FGF17: variants seen among roughly 807,000 people sequenced by gnomAD.
FGF17 encodes the protein fibroblast growth factor 17.
A neutral mutation model predicts 23.5 loss-of-function variants in FGF17; 5 were observed. The observed-to-expected ratio is 0.21, with a 90% CI of 0.11 to 0.45. The LOEUF is 0.45. Among genes scored for constraint, FGF17 ranks in the 20% least tolerant of loss-of-function variants. FGF17 has a pLI of 0.99. For missense variants in FGF17, 221 were observed against 306.9 expected, an observed-to-expected ratio of 0.72 and a Z score of 2.09; for synonymous variants, 136 against 123.0, an observed-to-expected ratio of 1.11 and a Z score of -0.70.
At chr8:22,044,633 G>A (rs950334569) in intron 2 of FGF17, 8 of 976,724 alleles carry the variant, frequency 8.2e-6, no homozygotes, top group Non-Finnish European at 9.7e-6. Flanking sequence ...AGGGAGGCCA[G>A]CGTGGGGCAG....
Position 22,048,293 on chromosome 8 carries a change from C to T in FGF17, c.*44C>T. On this transcript the variant is annotated 3_prime_UTR_variant, in exon 5 of 5. Transcript: ENST00000359441. The surrounding 1 kb of genome is among the most constrained non-coding windows in gnomAD (Gnocchi z 6.9). ...GCAGCCCCTGGGCCGCCTCCCCACCCCTTTCCCTTCTTAATCCAAGGACTG... is the reference window on the plus strand; with the variant it reads ...GCAGCCCCTGGGCCGCCTCCCCACCTCTTTCCCTTCTTAATCCAAGGACTG... 6.8e-7 allele frequency: 1 copy of T among 1,470,428 alleles called. No individual in the cohort carries two copies. The highest frequency in any genetic ancestry group is 9.2e-7 in the Non-Finnish European group (1 of 1,085,820). The allele number at this position is 1,470,428 out of a possible 1,614,324, so 91.1% of individuals were successfully genotyped here. A position where few individuals can be genotyped will look rare whatever the true frequency, so the allele number is the denominator to read the frequency against.
chr8:22,046,569 G>A lies in FGF17; in HGVS notation c.293G>A (p.Arg98His), dbSNP rs746441702. Residue 98 changes from arginine to histidine, a missense_variant, in exon 4 of 5, where the codon CGC becomes CAC. Around this residue, in one of 3 missense-constraint regions of FGF17, gnomAD observed 58 missense variants for 121.0 expected, o/e 0.48. Transcript: ENST00000359441. Reference protein sequence around the residue: ...VETDTFGSRVRIKGAESEKYI... With the variant: ...VETDTFGSRVHIKGAESEKYI... ...ACGGACACGTTTGGCAGCCGGGTTCGCATCAAAGGGGCTGAGAGTGAGAAG... is the reference window on the plus strand; with the variant it reads ...ACGGACACGTTTGGCAGCCGGGTTCACATCAAAGGGGCTGAGAGTGAGAAG... 1.2e-6 allele frequency: 2 copies of A among 1,613,590 alleles called. No individual in the cohort carries two copies. The highest frequency in any genetic ancestry group is 1.1e-5 in the South Asian group (1 of 91,062).
intron 2 of FGF17, chr8:22,044,919 C>A: frequency 1.0e-6 from 1 of 985,512 alleles, no homozygotes; most frequent in Non-Finnish European, 1.2e-6. Context: ...TGAGGTTGGG[C>A]CTGGGATAAA....
Position 22,048,189 on chromosome 8 carries a change from T to G in FGF17, c.591T>G (p.Phe197Leu). 6.2e-7 allele frequency: 1 copy of G among 1,612,572 alleles called. No homozygotes were observed. The highest frequency in any genetic ancestry group is 8.5e-7 in the Non-Finnish European group (1 of 1,179,690). ...NHAEKQKQFE[F>L]VGSAPTRRTK... ...CCGAGAAGCAGAAGCAGTTCGAGTT[T>G]GTGGGCTCCGCCCCCACCCGCCGGA... Residue 197 changes from phenylalanine (F) to leucine (L), a missense_variant, in exon 5 of 5, where the codon TTT becomes TTG. This residue lies in a region of FGF17 where 128 missense variants were observed against 150.4 expected (regional missense o/e 0.85). Coordinates refer to ENST00000359441, the MANE Select transcript of FGF17 (RefSeq NM_003867.4). The surrounding 1 kb of genome is among the most constrained non-coding windows in gnomAD (Gnocchi z 6.9).
intron 4 of FGF17, among the ~76,000 whole-genome samples, chr8:22,047,462 C>T (rs1252562810): frequency 6.6e-6 from 1 of 152,182 alleles, no homozygotes; most frequent in Non-Finnish European, 1.5e-5. Context: ...GACCAAATAA[C>T]CTTTGGTTTG....
chr8:22,042,598 C>A, upstream of FGF17: 1 of 543,968 alleles, frequency 1.8e-6, no homozygotes. Flanking sequence ...CTTCAGAAGG[C>A]CCCCACCGCT....
At chr8:22,040,680 C>A (rs1800723589), upstream of FGF17, among the ~76,000 whole-genome samples, 2 of 152,242 alleles carry the variant, frequency 1.3e-5, no homozygotes, top group Admixed American at 1.3e-4. Flanking sequence ...GTGGCTCCCA[C>A]TGTCCCCATG....
At chr8:22,045,705 T>C in intron 2 of FGF17, 1 of 1,109,840 alleles carries the variant, frequency 9.0e-7, no homozygotes. Flanking sequence ...AGCATGTCCT[T>C]GGAGTTCTGG....
rs1266273512 is a variant in FGF17 at position 22,044,323 on chromosome 8, C to CT, written c.72+1143dup. 7.2e-5 allele frequency among the ~76,000 whole-genome samples: 11 copies of CT among 152,072 alleles called. No individual in the cohort carries two copies. In the East Asian group the frequency reaches 2.1e-3, roughly 29 times the overall value. ...CCGGACCACAGCCATGCTTGAGGGG[C>CT]TGTCTGACAAGCAGCTGTCTGCAGT... On this transcript the variant is annotated intron_variant, in intron 2 of 4. Coordinates refer to ENST00000359441, the MANE Select transcript of FGF17 (RefSeq NM_003867.4).
At chr8:22,044,031 C>T (rs904091088) in intron 2 of FGF17, among the ~76,000 whole-genome samples, 2 of 151,948 alleles carry the variant, frequency 1.3e-5, no homozygotes, top group South Asian at 2.1e-4. Context: ...GACAATTCCC[C>T]CCCCCTTCCT....
rs1800863667 is a variant in FGF17, at chr8:22,046,257, C to T, written c.216C>T (p.Arg72=). The change falls in exon 3 of 5, where the codon CGC becomes CGT. Residue 72 remains arginine (R), a synonymous_variant. Coordinates refer to ENST00000359441, the MANE Select transcript of FGF17 (RefSeq NM_003867.4). ...AGCACGTGCAGGTCACCGGGCGTCG[C>T]ATCTCCGCCACCGCCGAGGACGGCA... ...SGKHVQVTGR[R]ISATAEDGNK... 6.2e-7 allele frequency: 1 copy of T among 1,613,660 alleles called. No individual in the cohort carries two copies. The highest frequency in any genetic ancestry group is 1.3e-5 in the African/African-American group (1 of 74,952).
chr8:22,045,795 C>G (rs1028783847), intron 2 of FGF17: 2 of 1,271,076 alleles, frequency 1.6e-6, no homozygotes, highest in African/African-American at 3.0e-5. Flanking sequence ...GCACCTCCTT[C>G]ATAGAATACG....
At chr8:22,041,878 C>T (rs1800745040), upstream of FGF17, among the ~76,000 whole-genome samples, 1 of 152,354 alleles carries the variant, frequency 6.6e-6, no homozygotes, top group African/African-American at 2.4e-5. Flanking sequence ...GGCTGGTAGG[C>T]ACTTCATCCC....
upstream of FGF17, among the ~76,000 whole-genome samples, chr8:22,040,705 A>G (rs865902158): frequency 6.6e-6 from 1 of 152,240 alleles, no homozygotes; most frequent in Non-Finnish European, 1.5e-5. Flanking sequence ...GTGAGTCCCG[A>G]CAGCATAAAT....
At position 22,046,282 on chromosome 8, in the gene FGF17, A is replaced by G. The variant is rs1346623251; in HGVS notation, c.241A>G (p.Asn81Asp). The change falls in exon 3 of 5, where the codon AAC becomes GAC. Residue 81 changes from asparagine to aspartate, a missense_variant. By Grantham distance (23) the Asn-to-Asp change is conservative (BLOSUM62 1). This residue lies in a region of FGF17 where 58 missense variants were observed against 121.0 expected (regional missense o/e 0.48). Transcript: ENST00000359441. The part of the protein sequence containing the change: ...RRISATAEDG[N>D]KFAKLIVETD... ...CATCTCCGCCACCGCCGAGGACGGC[A>G]ACAAGTTTGGTGAGAGTTGGCCCTC... 45 of 1,613,500 alleles carry G rather than the reference A, an allele frequency of 2.8e-5. No individual in the cohort carries two copies. Among genetic ancestry groups the G allele is most frequent in the Non-Finnish European group, 3.3e-5 (39 of 1,179,794 alleles).
Position 22,048,373 on chromosome 8 carries a change from G to A in FGF17, c.*124G>A, listed in dbSNP as rs561115351. The stretch of plus-strand genomic sequence containing the variant: ...CCCGAGGGAGGACCCTGAGGGCCGC[G>A]AAGCATCCGAGCCCCCAGCTGGGAA... On this transcript the variant is annotated 3_prime_UTR_variant, in exon 5 of 5. Coordinates refer to ENST00000359441, the MANE Select transcript of FGF17 (RefSeq NM_003867.4). This position sits in a 1 kb window ranked among gnomAD's most constrained non-coding sequence, Gnocchi z 6.9. 7 of 881,088 alleles carry A rather than the reference G, an allele frequency of 7.9e-6. No individual in the cohort carries two copies. The highest frequency in any genetic ancestry group is 1.8e-5 in the South Asian group (1 of 56,238). The allele number at this position is 881,088 out of a possible 1,614,324, so 54.6% of individuals were successfully genotyped here.
intron 2 of FGF17, among the ~76,000 whole-genome samples, chr8:22,043,750 C>T (rs530561748): frequency 6.3e-5 from 8 of 126,648 alleles, no homozygotes; most frequent in South Asian, 2.9e-4. Flanking sequence ...CACCCCAAGT[C>T]GGCCCCCCAC....
chr8:22,044,730 G>A (rs1302944105), intron 2 of FGF17: 2 of 985,424 alleles, frequency 2.0e-6, no homozygotes, highest in Non-Finnish European at 2.4e-6. Flanking sequence ...TCTATGGGGA[G>A]GTGCAATTGG....
At chr8:22,043,999 G>C (rs1429809517) in intron 2 of FGF17, among the ~76,000 whole-genome samples, 1 of 152,038 alleles carries the variant, frequency 6.6e-6, no homozygotes, top group Admixed American at 6.5e-5. Flanking sequence ...CTTTGAAGCA[G>C]TGGGGGGGTG....
Sources: allele counts gnomAD v4.1 joint callset (sites outside exome capture counted in the v4.1 genomes callset), GRCh38; gene constraint gnomAD v4.1.1; regional missense constraint gnomAD v4.1.1; non-coding constraint Gnocchi (gnomAD v3.1); transcripts MANE v1.5; gene names NCBI Gene and HGNC (gene_info 2026-07-23, HGNC 2026-07-21).